HSD17B12: variants seen among roughly 807,000 people sequenced by gnomAD.
The protein encoded by HSD17B12 is very-long-chain 3-oxoacyl-CoA reductase.
HSD17B12 carries 32 observed loss-of-function variants against 39.3 expected under a neutral mutation model. The ratio of observed to expected loss-of-function variants is 0.81; its 90% CI spans 0.61 to 1.09. HSD17B12 has a LOEUF of 1.09. Ranked by LOEUF, HSD17B12 falls within the 50% of genes least tolerant of loss-of-function variation. HSD17B12 has a pLI of 0.00. For missense variants in HSD17B12, 342 were observed against 382.9 expected (o/e 0.89, Z 0.89); for synonymous variants, 150 against 146.7 (o/e 1.02, Z -0.16).
At position 43,831,104 on chromosome 11, in the gene HSD17B12, T is replaced by A; in HGVS notation, c.536+94T>A. On this transcript the variant is annotated intron_variant, in intron 7 of 10. Transcript: ENST00000278353. The surrounding 1 kb of genome is among the most constrained non-coding windows in gnomAD (Gnocchi z 4.1). ...GCTTTGAAAAAATCACTGAAGTGAC[T>A]AATGAACCAAGCCTCCATGTCTTAG... is the stretch of plus-strand genomic sequence containing the variant. The A allele has an allele frequency of 8.5e-7, 1 of 1,176,588 alleles. No homozygotes were observed. Among genetic ancestry groups the A allele is most frequent in the Non-Finnish European group, 1.2e-6 (1 of 814,544 alleles). 72.9% of individuals were successfully genotyped at this position (1,176,588 alleles called of 1,614,324 possible). A position where few individuals can be genotyped will look rare whatever the true frequency, so the allele number is the denominator to read the frequency against.
chr11:43,582,856 G>C, the HSD17B12 span, among the ~76,000 whole-genome samples: 80 of 152,252 alleles, frequency 5.3e-4, no homozygotes, highest in Admixed American at 9.8e-4. Context: ...CCCAGATAAA[G>C]GAAATTTTCC....
chr11:43,824,580 CTT>C (rs1951214300), intron 6 of HSD17B12, among the ~76,000 whole-genome samples: 1 of 152,130 alleles, frequency 6.6e-6, no homozygotes, highest in Admixed American at 6.5e-5. Flanking sequence ...CCTCAGGCCT[CTT>C]TTATAAGGGC....
At chr11:43,757,639 C>CAAAAA (rs60598991) in intron 3 of HSD17B12, among the ~76,000 whole-genome samples, 84 of 7,198 alleles carry the variant, frequency 0.012, 21 homozygotes, top group Middle Eastern at 0.17. Flanking sequence ...GACTCCGTCT[C>CAAAAA]AAAAAAAAAA....
chr11:43,810,367 T>TTA (rs59970877), intron 4 of HSD17B12, among the ~76,000 whole-genome samples: 1,676 of 59,408 alleles, frequency 0.028, 28 homozygotes, highest in East Asian at 0.075. Context: ...AATTTAGAAA[T>TTA]TATATATATA....
chr11:43,640,023 G>C, the HSD17B12 span, among the ~76,000 whole-genome samples: 1 of 152,084 alleles, frequency 6.6e-6, no homozygotes, highest in Middle Eastern at 3.2e-3. Flanking sequence ...GGAGTATGGA[G>C]AGATAAGCTT....
intron 1 of HSD17B12, among the ~76,000 whole-genome samples, chr11:43,720,763 C>G (rs1269057789): frequency 1.3e-5 from 2 of 152,068 alleles, no homozygotes; most frequent in Non-Finnish European, 2.9e-5. Context: ...GGAAGATTTA[C>G]TATAGGTGAG....
At chr11:43,633,618 G>A in the HSD17B12 span, among the ~76,000 whole-genome samples, 3 of 152,252 alleles carry the variant, frequency 2.0e-5, no homozygotes, top group African/African-American at 7.2e-5. Flanking sequence ...TGGATTCTGA[G>A]AGAAGGAGAA....
the HSD17B12 span, among the ~76,000 whole-genome samples, chr11:43,640,479 A>G: frequency 6.6e-6 from 1 of 152,114 alleles, no homozygotes; most frequent in South Asian, 2.1e-4. Flanking sequence ...TAGAGTATGT[A>G]GGGTTTTAAA....
chr11:43,690,189 C>T lies in HSD17B12; in HGVS notation c.160+9202C>T, dbSNP rs115760814. On this transcript the variant is annotated intron_variant, in intron 1 of 10. Coordinates refer to ENST00000278353, the MANE Select transcript of HSD17B12 (RefSeq NM_016142.3). Reference sequence around the variant, plus strand: ...TTTTTGTCATAGCACTTGTCACCATCTCCCCTACTGTATACTTTGCTCATT... The same window carrying T: ...TTTTTGTCATAGCACTTGTCACCATTTCCCCTACTGTATACTTTGCTCATT... Among the ~76,000 whole-genome samples, 1,094 of 151,398 alleles carry T rather than the reference C, an allele frequency of 7.2e-3. 11 individuals are homozygous for T. The highest frequency in any genetic ancestry group is 0.025 in the African/African-American group (1,043 of 41,212).
the HSD17B12 span, among the ~76,000 whole-genome samples, chr11:43,647,186 G>A: frequency 1.3e-5 from 2 of 152,178 alleles, no homozygotes. Context: ...TCCAAGAAGG[G>A]AACAGAGTGT....
At position 43,754,123 on chromosome 11, in the gene HSD17B12, TAA is replaced by T; in HGVS notation, c.283+3_283+4del. On this transcript the variant is annotated splice_donor_region_variant and intron_variant, in intron 3 of 10. Transcript: ENST00000278353. ...TTGACCAGGTTTCCAGTGAAATAAGTAAGTTCTCACATCAAACAAAAGGAATA... is the reference window on the plus strand; with the variant it reads ...TTGACCAGGTTTCCAGTGAAATAAGTGTTCTCACATCAAACAAAAGGAATA... 1 of 1,599,836 alleles carries T rather than the reference TAA, an allele frequency of 6.3e-7. No homozygotes were observed. Among genetic ancestry groups the T allele is most frequent in the Middle Eastern group, 1.7e-4 (1 of 5,964 alleles).
At chr11:43,706,692 G>A (rs1410270976) in intron 1 of HSD17B12, among the ~76,000 whole-genome samples, 2 of 146,470 alleles carry the variant, frequency 1.4e-5, no homozygotes, top group Non-Finnish European at 3.0e-5. Flanking sequence ...ATGAAGGGGT[G>A]TGTGTGTGTG....
the HSD17B12 span, among the ~76,000 whole-genome samples, chr11:43,626,442 A>G: frequency 2.0e-5 from 3 of 151,866 alleles, no homozygotes; most frequent in Non-Finnish European, 4.4e-5. Flanking sequence ...CATGTTACAC[A>G]TTCACTTGTT....
chr11:43,752,836 G>A (rs1469435965), intron 2 of HSD17B12, among the ~76,000 whole-genome samples: 1 of 152,052 alleles, frequency 6.6e-6, no homozygotes, highest in Non-Finnish European at 1.5e-5. Flanking sequence ...GAAAGTATCA[G>A]TATGGGCTAA....
chr11:43,644,083 A>G, the HSD17B12 span, among the ~76,000 whole-genome samples: 1 of 152,170 alleles, frequency 6.6e-6, no homozygotes, highest in Admixed American at 6.5e-5. Flanking sequence ...TTTCAGATTG[A>G]AAGGGTGAAA....
chr11:43,577,181 G>T, the HSD17B12 span, among the ~76,000 whole-genome samples: 1 of 152,330 alleles, frequency 6.6e-6, no homozygotes, highest in African/African-American at 2.4e-5. Flanking sequence ...TGCTGAAAAT[G>T]CCTTGGTCCT....
intron 7 of HSD17B12, among the ~76,000 whole-genome samples, chr11:43,835,413 A>C (rs1951359861): frequency 6.6e-6 from 1 of 152,192 alleles, no homozygotes; most frequent in African/African-American, 2.4e-5. Context: ...TACAGTACAA[A>C]GATTGAGGCA....
In HSD17B12 at chr11:43,840,121, C is replaced by T. The variant is rs367799433; in HGVS notation, c.684+57C>T. Reference sequence around the variant, plus strand: ...TGTTTTTGTGTGGTTTCCAGAGCAACTGTTGCTGTCTTGGCAATAACAAAA... The same window carrying T: ...TGTTTTTGTGTGGTTTCCAGAGCAATTGTTGCTGTCTTGGCAATAACAAAA... On this transcript the variant is annotated intron_variant, in intron 9 of 10. Transcript: ENST00000278353. The T allele has an allele frequency of 7.9e-6, 11 of 1,398,740 alleles. No individual in the cohort carries two copies. In the African/African-American group the frequency reaches 1.2e-4, roughly 15 times the overall value. The allele number at this position is 1,398,740 out of a possible 1,614,324, so 86.6% of individuals were successfully genotyped here. A position where few individuals can be genotyped will look rare whatever the true frequency, so the allele number is the denominator to read the frequency against.
chr11:43,658,957 C>T, the HSD17B12 span, among the ~76,000 whole-genome samples: 5 of 152,204 alleles, frequency 3.3e-5, no homozygotes, highest in Non-Finnish European at 7.3e-5. Flanking sequence ...GAGGTTATTG[C>T]TGTCTTTTGT....
Sources: gnomAD v4.1 joint callset for allele counts (sites outside exome capture counted in the v4.1 genomes callset) on GRCh38, gnomAD v4.1.1 for gene constraint, Gnocchi (gnomAD v3.1) non-coding constraint, MANE v1.5 for transcripts, NCBI Gene and HGNC (gene_info 2026-07-23, HGNC 2026-07-21) for gene names.